DLGAP2: variants seen among roughly 807,000 people sequenced by gnomAD.
The protein encoded by DLGAP2 is DLG associated protein 2.
A neutral mutation model predicts 100.3 loss-of-function variants in DLGAP2; 26 were observed. That is an observed-to-expected ratio of 0.26 (90% confidence interval 0.19 to 0.36). The LOEUF is 0.36. Ranked by LOEUF, DLGAP2 falls within the 10% of genes least tolerant of loss-of-function variation. DLGAP2 has a pLI of 1.00. For missense variants in DLGAP2, 1,858 were observed against 1,453.2 expected, an observed-to-expected ratio of 1.28 and a Z score of -4.53; for synonymous variants, 886 against 630.1, an observed-to-expected ratio of 1.41 and a Z score of -6.08.
chr8:809,377 A>T lies in DLGAP2; in HGVS notation c.18+71552A>T, dbSNP rs545965334. ...TAATCTTTTGACTTTTACCTACACC[A>T]TTTATTTTGGTCTGAGTTTTGACTG... On this transcript the variant is annotated intron_variant, in intron 1 of 14. Transcript: ENST00000637795. 2.0e-5 allele frequency among the ~76,000 whole-genome samples: 3 copies of T among 151,206 alleles called. No individual in the cohort carries two copies. The East Asian group carries it at 5.8e-4, about 29-fold the overall frequency.
intron 2 of DLGAP2, among the ~76,000 whole-genome samples, chr8:1,157,917 C>T (rs1183078651): frequency 5.9e-5 from 9 of 152,136 alleles, no homozygotes; most frequent in East Asian, 3.8e-4. Context: ...ACCTTGTGTA[C>T]GTCAACAGTT....
chr8:1,162,828 C>G (rs1415079964), intron 2 of DLGAP2, among the ~76,000 whole-genome samples: 1 of 152,136 alleles, frequency 6.6e-6, no homozygotes, highest in Admixed American at 6.5e-5. Flanking sequence ...CTCGGGAGGT[C>G]CCCTGGGTGC....
At chr8:1,417,694 G>GAA in intron 3 of DLGAP2, among the ~76,000 whole-genome samples, 1 of 144,328 alleles carries the variant, frequency 6.9e-6, no homozygotes, top group Non-Finnish European at 1.5e-5. Flanking sequence ...GGCACAGGGG[G>GAA]CCCCACTCCT....
chr8:1,416,995 G>A (rs1796905181), intron 3 of DLGAP2, among the ~76,000 whole-genome samples: 1 of 150,602 alleles, frequency 6.6e-6, no homozygotes, highest in African/African-American at 2.5e-5. Context: ...CAGAGTCCAG[G>A]GCTCAGGGGT....
chr8:1,176,204 GA>G (rs35824617), intron 2 of DLGAP2, among the ~76,000 whole-genome samples: 28,283 of 152,126 alleles, frequency 0.19, 2,803 homozygotes, highest in Middle Eastern at 0.35. Context: ...CGGTAGGTGA[GA>G]GACAGTGTGG....
intron 5 of DLGAP2, among the ~76,000 whole-genome samples, chr8:1,550,153 G>C (rs1213892719): frequency 2.6e-5 from 4 of 152,186 alleles, no homozygotes; most frequent in Non-Finnish European, 4.4e-5. Flanking sequence ...ATCCTGCTTT[G>C]CAGTTTCTTC....
intron 2 of DLGAP2, among the ~76,000 whole-genome samples, chr8:1,083,883 C>G (rs941719832): frequency 6.6e-6 from 1 of 152,130 alleles, no homozygotes. Flanking sequence ...GTCTAAGTGG[C>G]TAATAAAGAA....
intron 1 of DLGAP2, among the ~76,000 whole-genome samples, chr8:793,790 T>G (rs1795970066): frequency 6.6e-6 from 1 of 152,230 alleles, no homozygotes; most frequent in African/African-American, 2.4e-5. Flanking sequence ...ATTTTTGATT[T>G]CCAACACCTC....
chr8:1,359,215 T>A lies in DLGAP2; in HGVS notation c.106+100332T>A, dbSNP rs147837153. 6.2e-4 allele frequency among the ~76,000 whole-genome samples: 94 copies of A among 152,084 alleles called. 1 individual carries two copies. Among genetic ancestry groups the A allele is most frequent in the East Asian group, 4.9e-3 (25 of 5,132 alleles). ...GGAGGACAGACACCTCCTGGTAAAC[T>A]CAACAGGAAAATCCACCTCCCGGGA... On this transcript the variant is annotated intron_variant, in intron 3 of 14. Transcript: ENST00000637795.
intron 2 of DLGAP2, chr8:1,002,394 G>C (rs1447906463): frequency 2.6e-5 from 4 of 152,212 alleles, no homozygotes; most frequent in Non-Finnish European, 5.9e-5. Context: ...TTCAAGAAAT[G>C]AACAATTGAC....
At chr8:743,296 A>C (rs888903035) in intron 1 of DLGAP2, among the ~76,000 whole-genome samples, 1 of 152,080 alleles carries the variant, frequency 6.6e-6, no homozygotes, top group Non-Finnish European at 1.5e-5. Flanking sequence ...CAAAACTACA[A>C]AGCCATGTTC....
chr8:1,219,140 A>G (rs1228580940), intron 2 of DLGAP2, among the ~76,000 whole-genome samples: 1 of 152,196 alleles, frequency 6.6e-6, no homozygotes, highest in East Asian at 1.9e-4. Context: ...TGCTCTGGCA[A>G]GGACTTCCAG....
At chr8:1,037,226 C>T (rs1282792317) in intron 2 of DLGAP2, among the ~76,000 whole-genome samples, 1 of 152,198 alleles carries the variant, frequency 6.6e-6, no homozygotes, top group African/African-American at 2.4e-5. Context: ...CCGGCCCGAG[C>T]GCCCCGAGCT....
chr8:1,547,083 C>A (rs113592557), intron 4 of DLGAP2, among the ~76,000 whole-genome samples: 1 of 152,094 alleles, frequency 6.6e-6, no homozygotes, highest in African/African-American at 2.4e-5. Context: ...GGAGGAGAGG[C>A]GGCAGGACCC....
At chr8:844,883 C>G (rs975878117) in intron 1 of DLGAP2, among the ~76,000 whole-genome samples, 1 of 152,150 alleles carries the variant, frequency 6.6e-6, no homozygotes, top group African/African-American at 2.4e-5. Flanking sequence ...ACTTCTGTCT[C>G]GGTTGATTAC....
At chr8:1,700,676 G>A (rs144194302) in intron 14 of DLGAP2, among the ~76,000 whole-genome samples, 49 of 152,284 alleles carry the variant, frequency 3.2e-4, no homozygotes, top group African/African-American at 1.1e-3. Flanking sequence ...TGGGATTTTA[G>A]GCCAATTAGC....
chr8:1,230,737 G>C, intron 2 of DLGAP2, among the ~76,000 whole-genome samples: 1 of 152,124 alleles, frequency 6.6e-6, no homozygotes. Context: ...TGACAAAGTT[G>C]ACAAAAATAA....
intron 1 of DLGAP2, among the ~76,000 whole-genome samples, chr8:833,688 C>G (rs1346783380): frequency 6.6e-6 from 1 of 152,242 alleles, no homozygotes; most frequent in East Asian, 1.9e-4. Context: ...TTCTCAGCTT[C>G]TGAAGATCAC....
chr8:1,097,521 G>C lies in DLGAP2; in HGVS notation c.74-161330G>C, dbSNP rs1204098654. 1.4e-4 allele frequency among the ~76,000 whole-genome samples: 19 copies of C among 138,668 alleles called. 1 individual carries two copies. The highest frequency in any genetic ancestry group is 2.6e-4 in the Non-Finnish European group (17 of 64,676). The allele number at this position is 138,668 out of a possible 152,430, so 91.0% of individuals were successfully genotyped here. A position where few individuals can be genotyped will look rare whatever the true frequency, so the allele number is the denominator to read the frequency against. ...CTGTGGCATGGAGAGGTCCCCTCCA[G>C]CGTGAGACCCACCTCCCTCTGCTCA... On this transcript the variant is annotated intron_variant, in intron 2 of 14. Coordinates refer to ENST00000637795, the MANE Select transcript of DLGAP2 (RefSeq NM_001346810.2).
Sources: allele counts gnomAD v4.1 joint callset (sites outside exome capture counted in the v4.1 genomes callset), GRCh38; gene constraint gnomAD v4.1.1; transcripts MANE v1.5; gene names NCBI Gene and HGNC (gene_info 2026-07-23, HGNC 2026-07-21).